The following IQCM variants were observed in gnomAD, a reference collection of about 807,000 sequenced individuals.
IQCM encodes IQ domain-containing protein M.
A neutral mutation model predicts 57.6 loss-of-function variants in IQCM; 45 were observed. The ratio of observed to expected loss-of-function variants is 0.78; its 90% CI spans 0.62 to 1.00. IQCM has a LOEUF of 1.00. Ranked by LOEUF, IQCM falls within the 50% of genes least tolerant of loss-of-function variation. The pLI, the probability that IQCM is intolerant of heterozygous loss-of-function variation, is 0.00. For missense variants in IQCM, 468 were observed against 511.6 expected (o/e 0.91, Z 0.82); for synonymous variants, 148 against 158.9 (o/e 0.93, Z 0.51).
chr4:149,665,135 G>A (rs1340671574), intron 7 of IQCM, among the ~76,000 whole-genome samples: 3 of 152,248 alleles, frequency 2.0e-5, no homozygotes, highest in South Asian at 2.1e-4. Flanking sequence ...GGCCCCTGGG[G>A]TAGGACACAC....
intron 13 of IQCM, among the ~76,000 whole-genome samples, chr4:149,363,391 G>A (rs1288199625): frequency 6.6e-6 from 1 of 152,150 alleles, no homozygotes; most frequent in Non-Finnish European, 1.5e-5. Context: ...CTAGAATGAT[G>A]TATTTATAAG....
chr4:149,396,236 G>GTC (rs1351834948), intron 13 of IQCM, among the ~76,000 whole-genome samples: 1 of 151,582 alleles, frequency 6.6e-6, no homozygotes, highest in African/African-American at 2.4e-5. Context: ...TCCCCCAAAT[G>GTC]TCTATCCATA....
At chr4:149,365,566 G>A (rs531053743) in intron 13 of IQCM, among the ~76,000 whole-genome samples, 1 of 152,236 alleles carries the variant, frequency 6.6e-6, no homozygotes, top group Admixed American at 6.5e-5. Context: ...AAGGGAAGGG[G>A]TAGCTTTATA....
At chr4:149,593,492 T>C (rs1386224772) in intron 8 of IQCM, among the ~76,000 whole-genome samples, 3 of 152,110 alleles carry the variant, frequency 2.0e-5, no homozygotes, top group Admixed American at 6.6e-5. Flanking sequence ...TCCAACACTA[T>C]GTTGAATAAG....
At chr4:149,629,872 C>A (rs1159298931) in intron 7 of IQCM, among the ~76,000 whole-genome samples, 1 of 150,392 alleles carries the variant, frequency 6.6e-6, no homozygotes, top group Non-Finnish European at 1.5e-5. Flanking sequence ...TTTGTATTTG[C>A]AAACGAGAAA....
At chr4:149,788,046 T>C (rs1486518803) in intron 2 of IQCM, among the ~76,000 whole-genome samples, 1 of 152,148 alleles carries the variant, frequency 6.6e-6, no homozygotes, top group Admixed American at 6.6e-5. Flanking sequence ...AAAGAACACA[T>C]ACAGGCCAGG....
intron 12 of IQCM, among the ~76,000 whole-genome samples, chr4:149,530,546 T>C (rs1325703786): frequency 6.6e-6 from 1 of 152,142 alleles, no homozygotes; most frequent in Non-Finnish European, 1.5e-5. Context: ...ATATTAGTCC[T>C]GAGACAGTAT....
intron 2 of IQCM, among the ~76,000 whole-genome samples, chr4:149,779,743 C>T (rs1505475): frequency 0.15 from 22,262 of 152,068 alleles, 1,664 homozygotes; most frequent in Middle Eastern, 0.18. Context: ...ACAGAGTCTC[C>T]AAATATGCAT....
chr4:149,407,692 G>A (rs1375042698), intron 13 of IQCM, among the ~76,000 whole-genome samples: 2 of 152,084 alleles, frequency 1.3e-5, no homozygotes, highest in East Asian at 3.9e-4. Context: ...TAGTGTATAT[G>A]TACCACATTT....
intron 8 of IQCM, among the ~76,000 whole-genome samples, chr4:149,603,083 C>T (rs1290921897): frequency 6.6e-6 from 1 of 151,986 alleles, no homozygotes; most frequent in Non-Finnish European, 1.5e-5. Context: ...CAAGTTATTT[C>T]CATAAATAGG....
chr4:149,507,259 G>A (rs1239646347), intron 12 of IQCM, among the ~76,000 whole-genome samples: 4 of 152,218 alleles, frequency 2.6e-5, no homozygotes, highest in Non-Finnish European at 4.4e-5. Flanking sequence ...GAACAGCAGA[G>A]TGAGGCGCTG....
chr4:149,374,667 A>C, intron 13 of IQCM, among the ~76,000 whole-genome samples: 1 of 152,110 alleles, frequency 6.6e-6, no homozygotes, highest in East Asian at 1.9e-4. Flanking sequence ...TATTAATGAA[A>C]GGAAGTTTTG....
intron 5 of IQCM, among the ~76,000 whole-genome samples, chr4:149,708,096 A>C (rs191302694): frequency 8.7e-4 from 133 of 152,084 alleles, no homozygotes; most frequent in Middle Eastern, 3.4e-3. Flanking sequence ...CCAGTACTTC[A>C]CCACCTTTCT....
intron 2 of IQCM, among the ~76,000 whole-genome samples, chr4:149,764,077 G>A (rs567489560): frequency 6.6e-6 from 1 of 152,186 alleles, no homozygotes; most frequent in South Asian, 2.1e-4. Context: ...TTTCAGTGAG[G>A]ATGCTCTTAT....
chr4:149,502,606 C>G (rs148574024), intron 12 of IQCM, among the ~76,000 whole-genome samples: 11 of 151,946 alleles, frequency 7.2e-5, no homozygotes, highest in Non-Finnish European at 1.5e-4. Context: ...CCCTAGAGGT[C>G]GAGGCTGCAG....
chr4:149,707,997 C>T (rs750947708), intron 5 of IQCM, among the ~76,000 whole-genome samples: 4 of 151,974 alleles, frequency 2.6e-5, no homozygotes, highest in Non-Finnish European at 4.4e-5. Context: ...TTCCTTCTTC[C>T]AGTCCTCACA....
intron 2 of IQCM, among the ~76,000 whole-genome samples, chr4:149,802,860 T>C (rs1022432755): frequency 1.3e-5 from 2 of 151,996 alleles, no homozygotes; most frequent in African/African-American, 4.8e-5. Context: ...AATCTTGTGT[T>C]CTACAGAAGA....
chr4:149,405,848 T>G (rs1732937588), intron 13 of IQCM, among the ~76,000 whole-genome samples: 1 of 146,350 alleles, frequency 6.8e-6, no homozygotes, highest in South Asian at 2.1e-4. Flanking sequence ...TATATATATA[T>G]ATGCTCCAGA....
At position 149,698,895 on chromosome 4, in the gene IQCM, A is replaced by G. The variant is rs571815065; in HGVS notation, c.386-12427T>C. Among the ~76,000 whole-genome samples the G allele has an allele frequency of 1.0e-3, 154 of 152,214 alleles. 1 individual carries two copies. Among genetic ancestry groups the G allele is most frequent in the African/African-American group, 3.4e-3 (143 of 41,554 alleles). ...AGCTCAGCTTCGTCTTTTGTAAAAA[A>G]GTATATAAGGATAAAAGATTGCCAT... On this transcript the variant is annotated intron_variant, in intron 5 of 13. Coordinates refer to ENST00000636793, the MANE Select transcript of IQCM (RefSeq NM_001363507.2).
Sources: gnomAD v4.1 joint callset for allele counts (sites outside exome capture counted in the v4.1 genomes callset) on GRCh38, gnomAD v4.1.1 for gene constraint, MANE v1.5 for transcripts, NCBI Gene and HGNC (gene_info 2026-07-23, HGNC 2026-07-21) for gene names.